Variants in RREB1 observed in about 807,000 individuals in gnomAD.
The protein encoded by RREB1 is ras-responsive element-binding protein 1.
RREB1 carries 27 observed loss-of-function variants against 117.8 expected under a neutral mutation model. The observed-to-expected ratio is 0.23, with a 90% CI of 0.17 to 0.32. The LOEUF is 0.32. Ranked by LOEUF, RREB1 falls within the 10% of genes least tolerant of loss-of-function variation. The pLI is 1.00. For missense variants in RREB1, 2,577 were observed against 2,378.2 expected, an observed-to-expected ratio of 1.08 and a Z score of -1.74; for synonymous variants, 1,298 against 1,026.7, an observed-to-expected ratio of 1.26 and a Z score of -5.05.
At chr6:7,196,207 T>G (rs9405330) in intron 6 of RREB1, among the ~76,000 whole-genome samples, 10,584 of 141,214 alleles carry the variant, frequency 0.075, 400 homozygotes, top group African/African-American at 0.093. Flanking sequence ...TGTTTTTTGG[T>G]TTTTTTTTTC....
At chr6:7,169,678 C>T (rs1421266526) in intron 1 of RREB1, among the ~76,000 whole-genome samples, 1 of 152,206 alleles carries the variant, frequency 6.6e-6, no homozygotes, top group Non-Finnish European at 1.5e-5. Flanking sequence ...AGAAGAGCTA[C>T]AAGAAGTGGA....
Position 7,229,521 on chromosome 6 carries a change from G to C in RREB1, c.1422G>C (p.Leu474=), listed in dbSNP as rs771121931. 3.7e-6 allele frequency: 6 copies of C among 1,614,120 alleles called. No individual in the cohort carries two copies. Among genetic ancestry groups the C allele is most frequent in the Admixed American group, 1.7e-5 (1 of 60,024 alleles). Residue 474 remains leucine, a synonymous_variant, in exon 10 of 13, where the codon CTG becomes CTC. Coordinates refer to ENST00000379938, the MANE Select transcript of RREB1 (RefSeq NM_001003699.4). This position sits in a 1 kb window ranked among gnomAD's most constrained non-coding sequence, Gnocchi z 4.5. ...AGCTGGCAGACATCCAGCAAATTCT[G>C]AAGATGGCAGCCTCGGCTCCCCCTC... ...AIELADIQQI[L]KMAASAPPQI...
intron 1 of RREB1, among the ~76,000 whole-genome samples, chr6:7,118,265 C>T (rs1366212500): frequency 3.9e-5 from 6 of 152,014 alleles, no homozygotes; most frequent in Non-Finnish European, 5.9e-5. Flanking sequence ...GGATTACAGG[C>T]GCATGCCACC....
At chr6:7,196,217 CGT>C (rs1765661051) in intron 6 of RREB1, among the ~76,000 whole-genome samples, 1 of 109,732 alleles carries the variant, frequency 9.1e-6, no homozygotes, top group Non-Finnish European at 1.8e-5. Context: ...TTTTTTTTTT[CGT>C]TTTTTTTTTT....
rs552899455 is a variant in RREB1, at chr6:7,167,265, C to T, written c.-284-9390C>T. Among the ~76,000 whole-genome samples, 4 of 151,840 alleles carry T rather than the reference C, an allele frequency of 2.6e-5. No individual in the cohort carries two copies. The South Asian group carries it at 8.3e-4, about 32-fold the overall frequency. On this transcript the variant is annotated intron_variant, in intron 1 of 12. Transcript: ENST00000379938. ...GATAGCATGGCGACTGTGTCAGCAG[C>T]TGTTCTCATTGGCCAGGGGATTGCA...
In RREB1 at chr6:7,231,247, C is replaced by T. The variant is rs571383879; in HGVS notation, c.3148C>T (p.Pro1050Ser). 43 of 1,612,784 alleles carry T rather than the reference C, an allele frequency of 2.7e-5. No individual in the cohort carries two copies. Among genetic ancestry groups the T allele is most frequent in the South Asian group, 3.3e-5 (3 of 91,022 alleles). Reference protein sequence around the residue: ...ALLRPLRPKPPLLLPKPPVTE... With the variant: ...ALLRPLRPKPSLLLPKPPVTE... ...GCTGCGTCCACTGCGGCCCAAGCCC[C>T]CGCTGCTTTTGCCAAAGCCCCCCGT... Residue 1050 changes from proline (P) to serine (S), a missense_variant, in exon 10 of 13, where the codon CCG (proline) becomes TCG (serine). Transcript: ENST00000379938.
In RREB1 at chr6:7,230,637, G is replaced by A. The variant is rs531793725; in HGVS notation, c.2538G>A (p.Glu846=). 3.6e-5 allele frequency: 57 copies of A among 1,603,666 alleles called. No individual in the cohort carries two copies. In the African/African-American group the frequency reaches 7.2e-4, roughly 20 times the overall value. The change falls in exon 10 of 13, where the codon GAG becomes GAA. Residue 846 remains glutamate (E), a synonymous_variant. Transcript: ENST00000379938. The part of the protein sequence containing the change: ...APAAEASGRG[E]DSGCAALGDC... Reference sequence around the variant, plus strand: ...CCGCTGAGGCGTCGGGGCGCGGGGAGGACAGTGGCTGCGCTGCCCTTGGTG... The same window carrying A: ...CCGCTGAGGCGTCGGGGCGCGGGGAAGACAGTGGCTGCGCTGCCCTTGGTG...
At position 7,160,134 on chromosome 6, in the gene RREB1, T is replaced by TA. The variant is rs397966157; in HGVS notation, c.-284-16518dup. Among the ~76,000 whole-genome samples the TA allele has an allele frequency of 5.3e-5, 8 of 151,676 alleles. No homozygotes were observed. The East Asian group carries it at 1.6e-3, about 29-fold the overall frequency. On this transcript the variant is annotated intron_variant, in intron 1 of 12. Transcript: ENST00000379938. ...CTTTCTTTTTTGCATTTTTTTTTTT[T>TA]AAATGAGACAGGTTTTCCCTCTGCC...
intron 1 of RREB1, among the ~76,000 whole-genome samples, chr6:7,160,563 G>A (rs1432432016): frequency 2.0e-5 from 3 of 152,122 alleles, no homozygotes; most frequent in East Asian, 1.9e-4. Flanking sequence ...AGGCTGGAAT[G>A]CAGTGGTGTG....
intron 1 of RREB1, among the ~76,000 whole-genome samples, chr6:7,109,183 G>C (rs1761007910): frequency 6.6e-6 from 1 of 151,886 alleles, no homozygotes; most frequent in Non-Finnish European, 1.5e-5. Flanking sequence ...ACGAGTTCTG[G>C]GGCTTCCCTT....
chr6:7,164,637 G>A (rs1763837227), intron 1 of RREB1, among the ~76,000 whole-genome samples: 1 of 152,182 alleles, frequency 6.6e-6, no homozygotes, highest in Admixed American at 6.5e-5. Flanking sequence ...CAAAAGAGTG[G>A]ATTTTGCTGC....
rs1200527779 is a variant in RREB1, at chr6:7,251,028, G to A, written c.*2060G>A. ...TTGTTTTTGTTGTTATTATTATTTG[G>A]GGTTTCTTGTGTTTTTTCTTTGCGA... On this transcript the variant is annotated 3_prime_UTR_variant, in exon 13 of 13. Transcript: ENST00000379938. 6.6e-6 allele frequency: 1 copy of A among 151,528 alleles called. No individual in the cohort carries two copies. The highest frequency in any genetic ancestry group is 2.4e-5 in the African/African-American group (1 of 41,198). The allele number at this position is 151,528 out of a possible 1,614,324, so 9.4% of individuals were successfully genotyped here. A position where few individuals can be genotyped will look rare whatever the true frequency, so the allele number is the denominator to read the frequency against.
intron 8 of RREB1, among the ~76,000 whole-genome samples, chr6:7,225,271 A>C (rs1767519712): frequency 6.6e-6 from 1 of 152,194 alleles, no homozygotes; most frequent in African/African-American, 2.4e-5. Flanking sequence ...GGTATACAGC[A>C]TTGTCCAACA....
intron 10 of RREB1, among the ~76,000 whole-genome samples, chr6:7,233,673 C>T (rs1463931386): frequency 1.3e-5 from 2 of 151,912 alleles, no homozygotes; most frequent in African/African-American, 4.8e-5. Flanking sequence ...ATATGGTAAC[C>T]CAAGGTAGTC....
chr6:7,236,440 T>G (rs1768325077), intron 10 of RREB1, among the ~76,000 whole-genome samples: 1 of 152,182 alleles, frequency 6.6e-6, no homozygotes, highest in African/African-American at 2.4e-5. Context: ...CAAACCTGGG[T>G]GTGGAAAGCA....
At chr6:7,193,841 A>G (rs1405711377) in intron 6 of RREB1, among the ~76,000 whole-genome samples, 2 of 152,218 alleles carry the variant, frequency 1.3e-5, no homozygotes, top group Non-Finnish European at 2.9e-5. Context: ...TCATGTCAGC[A>G]CTCAAAAAGT....
At chr6:7,178,954 C>T (rs1051157399) in intron 2 of RREB1, among the ~76,000 whole-genome samples, 1 of 152,170 alleles carries the variant, frequency 6.6e-6, no homozygotes, top group African/African-American at 2.4e-5. Context: ...TCAGCCCTTA[C>T]ATTGGTTAAC....
chr6:7,175,261 CAG>C (rs1165116736), intron 1 of RREB1, among the ~76,000 whole-genome samples: 1 of 151,230 alleles, frequency 6.6e-6, no homozygotes, highest in Non-Finnish European at 1.5e-5. Context: ...TCACGCAAAA[CAG>C]GGATTCTTAC....
intron 11 of RREB1, among the ~76,000 whole-genome samples, chr6:7,241,265 T>C (rs961227669): frequency 9.2e-5 from 14 of 152,154 alleles, no homozygotes; most frequent in Non-Finnish European, 1.5e-4. Context: ...GCCACCTTGT[T>C]TCCCTTATAG....
Sources: gnomAD v4.1 joint callset for allele counts (sites outside exome capture counted in the v4.1 genomes callset) on GRCh38, gnomAD v4.1.1 for gene constraint, Gnocchi (gnomAD v3.1) non-coding constraint, MANE v1.5 for transcripts, NCBI Gene and HGNC (gene_info 2026-07-23, HGNC 2026-07-21) for gene names.